Variants in BIRC6 observed in about 807,000 individuals in gnomAD.
The protein encoded by BIRC6 is dual E2 ubiquitin-conjugating enzyme/E3 ubiquitin-protein ligase BIRC6.
BIRC6 carries 98 observed loss-of-function variants against 503.3 expected under a neutral mutation model. The observed-to-expected ratio is 0.19, with a 90% CI of 0.17 to 0.23. The LOEUF (loss-of-function observed/expected upper bound fraction) is 0.23. Among genes scored for constraint, BIRC6 ranks in the 10% least tolerant of loss-of-function variants. The probability of loss-of-function intolerance (pLI) is 1.00; values close to 1 mark genes in which losing one functional copy is unlikely to be tolerated. For missense variants in BIRC6, 5,360 were observed against 5,806.0 expected, an observed-to-expected ratio of 0.92 and a Z score of 2.50; for synonymous variants, 2,240 against 2,078.7, an observed-to-expected ratio of 1.08 and a Z score of -2.11.
intron 26 of BIRC6, among the ~76,000 whole-genome samples, chr2:32,465,662 A>T (rs1296479122): frequency 6.6e-6 from 1 of 152,176 alleles, no homozygotes; most frequent in Non-Finnish European, 1.5e-5. Flanking sequence ...GCTTTCAATC[A>T]CAACATATTT....
intron 24 of BIRC6, among the ~76,000 whole-genome samples, chr2:32,464,051 C>T (rs1345454437): frequency 6.6e-6 from 1 of 152,180 alleles, no homozygotes; most frequent in East Asian, 1.9e-4. Flanking sequence ...AACCAGTCCC[C>T]TGCGCCTCTG....
chr2:32,555,693 A>G (rs796820666), intron 65 of BIRC6, among the ~76,000 whole-genome samples: 9 of 150,520 alleles, frequency 6.0e-5, no homozygotes, highest in African/African-American at 2.2e-4. Flanking sequence ...GTAGCAGGCC[A>G]GGTGTGGTGG....
At chr2:32,368,885 C>T (rs1338471198) in intron 1 of BIRC6, among the ~76,000 whole-genome samples, 1 of 152,138 alleles carries the variant, frequency 6.6e-6, no homozygotes, top group Admixed American at 6.6e-5. Flanking sequence ...CACCTGACCT[C>T]AAGTGACCTG....
intron 34 of BIRC6, among the ~76,000 whole-genome samples, chr2:32,476,556 T>A (rs1232809692): frequency 6.6e-6 from 1 of 152,136 alleles, no homozygotes; most frequent in African/African-American, 2.4e-5. Flanking sequence ...TCATTGTGGA[T>A]TGAGTTCCAG....
At chr2:32,506,486 A>T (rs972455485) in intron 50 of BIRC6, among the ~76,000 whole-genome samples, 1 of 152,248 alleles carries the variant, frequency 6.6e-6, no homozygotes, top group South Asian at 2.1e-4. Context: ...TAAAAGGCAA[A>T]TATAAGTCAA....
chr2:32,433,117 C>T (rs1409364567), intron 12 of BIRC6, among the ~76,000 whole-genome samples: 1 of 152,126 alleles, frequency 6.6e-6, no homozygotes, highest in South Asian at 2.1e-4. Context: ...CCTGAGTTCA[C>T]TGAAAAATGA....
Position 32,457,763 on chromosome 2 carries a change from A to G in BIRC6, c.4753+3821A>G, listed in dbSNP as rs868188768. On this transcript the variant is annotated intron_variant, in intron 23 of 73. Transcript: ENST00000421745. ...AAATACTCTTAAGATCTCTTTTTGT[A>G]CTTATCTACTGATGACACATTCAAT... 3.2e-4 allele frequency among the ~76,000 whole-genome samples: 48 copies of G among 151,960 alleles called. 1 individual carries two copies. The highest frequency in any genetic ancestry group is 1.1e-3 in the African/African-American group (46 of 41,400).
In BIRC6 at chr2:32,549,343, A is replaced by AGTGCGG; in HGVS notation, c.13007_13012dup (p.Ala4337_Val4338insGlyAla). The AGTGCGG allele has an allele frequency of 6.8e-7, 1 of 1,476,082 alleles. No individual in the cohort carries two copies. 91.4% of individuals were successfully genotyped at this position (1,476,082 alleles called of 1,614,324 possible). A position where few individuals can be genotyped will look rare whatever the true frequency, so the allele number is the denominator to read the frequency against. The stretch of plus-strand genomic sequence containing the variant: ...TGCCAGTTACATAAATCCCGTCAGT[A>AGTGCGG]GTGCGGTAAATGGAGAAGCTCAGTC... On this transcript the variant is annotated inframe_insertion, in exon 65 of 74. Transcript: ENST00000421745.
Position 32,477,298 on chromosome 2 carries a change from C to T in BIRC6, c.6853-70C>T, listed in dbSNP as rs561413989. On this transcript the variant is annotated intron_variant, in intron 34 of 73. Transcript: ENST00000421745. ...TAATATGGAGTGGATATTTTCATTA[C>T]ATAAATCTATACTGAAAAAATTTTC... is the stretch of plus-strand genomic sequence containing the variant. 3.7e-5 allele frequency: 55 copies of T among 1,478,370 alleles called. No homozygotes were observed. The African/African-American group carries it at 6.0e-4, about 16-fold the overall frequency. 91.6% of individuals were successfully genotyped at this position (1,478,370 alleles called of 1,614,324 possible).
At chr2:32,501,684 T>G in intron 46 of BIRC6, 29 bp from the exon 47 acceptor site, 1 of 1,590,356 alleles carries the variant, frequency 6.3e-7, no homozygotes, top group Non-Finnish European at 8.6e-7. Flanking sequence ...TATATATACT[T>G]TTAATGTGGT....
intron 73 of BIRC6, among the ~76,000 whole-genome samples, chr2:32,615,580 A>T (rs1312616244): frequency 1.3e-5 from 2 of 152,118 alleles, no homozygotes; most frequent in Non-Finnish European, 2.9e-5. Context: ...TCTGTAAATA[A>T]ATGTTGTTTA....
In BIRC6 at chr2:32,487,775, T is replaced by A. The variant is rs1228378498; in HGVS notation, c.7942T>A (p.Ser2648Thr). The change falls in exon 41 of 74, where the codon TCC (serine) becomes ACC (threonine). Residue 2648 changes from serine to threonine, a missense_variant. This residue lies in a region of BIRC6 where 2,299 missense variants were observed against 2,267.2 expected (regional missense o/e 1.01). Coordinates refer to ENST00000421745, the MANE Select transcript of BIRC6 (RefSeq NM_016252.4). ...AAATGTTTGTTTCAACAAACTTTTT[T>A]CCATGCTTCAAGTCCATCATGTTCA... ...MLNVCFNKLF[S>T]MLQVHHVQLE... The A allele has an allele frequency of 6.2e-7, 1 of 1,612,756 alleles. No homozygotes were observed. Among genetic ancestry groups the A allele is most frequent in the Non-Finnish European group, 8.5e-7 (1 of 1,178,852 alleles).
intron 65 of BIRC6, among the ~76,000 whole-genome samples, chr2:32,573,845 A>T (rs1359996626): frequency 2.0e-5 from 3 of 152,202 alleles, no homozygotes; most frequent in Non-Finnish European, 4.4e-5. Flanking sequence ...TTCATCATTC[A>T]ATTTAGTTTA....
At chr2:32,449,526 A>AT (rs1298805063) in intron 22 of BIRC6, among the ~76,000 whole-genome samples, 1 of 152,082 alleles carries the variant, frequency 6.6e-6, no homozygotes, top group Admixed American at 6.5e-5. Flanking sequence ...TGACCATTTC[A>AT]TTTTTTTCTT....
intron 5 of BIRC6, 22 bp downstream of exon 5, chr2:32,392,172 A>G: frequency 6.7e-7 from 1 of 1,498,850 alleles, no homozygotes; most frequent in Non-Finnish European, 9.0e-7. Flanking sequence ...ATATAAAAAA[A>G]TACTTTTCTC....
Position 32,468,695 on chromosome 2 carries a change from T to C in BIRC6, c.6039T>C (p.Asp2013=), listed in dbSNP as rs776396005. ...TGAGTGAAACATCAAATCCAGAAGA[T>C]TTAATTCAGACATCTTCCACAGAGC... ...KMLSETSNPE[D]LIQTSSTEQL... Residue 2013 remains aspartate, a synonymous_variant, in exon 29 of 74, where the codon GAT becomes GAC. Transcript: ENST00000421745. The C allele has an allele frequency of 3.7e-6, 6 of 1,613,878 alleles. No individual in the cohort carries two copies. The African/African-American group carries it at 6.7e-5, about 18-fold the overall frequency.
intron 59 of BIRC6, chr2:32,526,839 T>TA (rs1332934320): frequency 6.6e-6 from 1 of 152,492 alleles, no homozygotes; most frequent in Admixed American, 6.5e-5. Flanking sequence ...TAAGAGAAGA[T>TA]ACGACATTAC....
intron 66 of BIRC6, among the ~76,000 whole-genome samples, chr2:32,579,919 G>A (rs537205489): frequency 6.1e-4 from 92 of 150,746 alleles, no homozygotes; most frequent in African/African-American, 2.2e-3. Flanking sequence ...TTTCTAAGGG[G>A]CTGACATATA....
chr2:32,378,038 A>G (rs2037073608), intron 2 of BIRC6, among the ~76,000 whole-genome samples: 1 of 152,184 alleles, frequency 6.6e-6, no homozygotes, highest in Admixed American at 6.5e-5. Context: ...CAATGGCTTA[A>G]ACAGGATAGC....
Sources: allele counts gnomAD v4.1 joint callset (sites outside exome capture counted in the v4.1 genomes callset), GRCh38; gene constraint gnomAD v4.1.1; regional missense constraint gnomAD v4.1.1; transcripts MANE v1.5; gene names NCBI Gene and HGNC (gene_info 2026-07-23, HGNC 2026-07-21).